ZFHX2: variants seen among roughly 807,000 people sequenced by gnomAD.
ZFHX2 encodes the protein zinc finger homeobox protein 2.
ZFHX2 carries 75 observed loss-of-function variants against 164.8 expected under a neutral mutation model. The ratio of observed to expected loss-of-function variants is 0.46; its 90% confidence interval spans 0.38 to 0.55. The LOEUF (loss-of-function observed/expected upper bound fraction) is 0.55. Ranked by LOEUF, ZFHX2 falls within the 20% of genes least tolerant of loss-of-function variation. The pLI, the probability that ZFHX2 is intolerant of heterozygous loss-of-function variation, is 0.00. For synonymous variants in ZFHX2, 1,217 were observed against 1,351.4 expected (o/e 0.90, Z 2.18); for missense variants, 2,933 against 3,308.0 (o/e 0.89, Z 2.78).
chr14:23,542,227 T>C (rs1880898931), intron 1 of ZFHX2: 1 of 152,556 alleles, frequency 6.6e-6, no homozygotes, highest in East Asian at 1.9e-4. Context: ...GCAAGGAGGC[T>C]GTCTCTTGCA....
chr14:23,535,287 G>A lies in ZFHX2; in HGVS notation c.39C>T (p.Thr13=). ...TLNSASTTGT[T]PSPGHNAPSL... The stretch of plus-strand genomic sequence containing the variant: ...ACGGGGCATTGTGCCCAGGGGAGGG[G>A]GTGGTACCAGTGGTAGAGGCTGAGT... The change falls in exon 2 of 10, where the codon ACC becomes ACT. Residue 13 remains threonine (T), a synonymous_variant. Transcript: ENST00000419474. This position sits in a 1 kb window ranked among gnomAD's most constrained non-coding sequence, Gnocchi z 4.5. 1 of 1,480,412 alleles carries A rather than the reference G, an allele frequency of 6.8e-7. No individual in the cohort carries two copies. The highest frequency in any genetic ancestry group is 9.0e-7 in the Non-Finnish European group (1 of 1,115,062). The allele number at this position is 1,480,412 out of a possible 1,614,324, so 91.7% of individuals were successfully genotyped here.
At position 23,532,724 on chromosome 14, in the gene ZFHX2, G is replaced by A. The variant is rs980635290; in HGVS notation, c.2402C>T (p.Thr801Ile). The A allele has an allele frequency of 7.2e-6, 11 of 1,535,556 alleles. 1 individual carries two copies. In the Middle Eastern group the frequency reaches 6.7e-4, roughly 93 times the overall value. The change falls in exon 3 of 10, where the codon ACC (threonine) becomes ATC (isoleucine). Residue 801 changes from threonine (T) to isoleucine (I), a missense_variant. By Grantham distance (89) the Thr-to-Ile change is moderately conservative. Coordinates refer to ENST00000419474, the MANE Select transcript of ZFHX2 (RefSeq NM_033400.3). ...ATCTCCCAGGGATGCTGGGGAAGGG[G>A]TGCCCATGGCTCCACCCCCCTCCCG... Reference protein sequence around the residue: ...HLREGGGAMGTPSPASLGDGA... With the variant: ...HLREGGGAMGIPSPASLGDGA...
chr14:23,522,005 G>C lies in ZFHX2; in HGVS notation c.7676C>G (p.Ser2559Cys). Residue 2559 changes from serine to cysteine, a missense_variant, in exon 10 of 10, where the codon TCC becomes TGC. By Grantham distance (112) the Ser-to-Cys change is moderately radical. Coordinates refer to ENST00000419474, the MANE Select transcript of ZFHX2 (RefSeq NM_033400.3). ...AGAGGTAGTCGTAGTTTTTGGGTTG[G>C]AGTCCGTGTGAGGTAATCTTGCTTC... is the stretch of plus-strand genomic sequence containing the variant. Reference protein sequence around the residue: ...KEEARLPHTDSNPKTTTTSTL... With the variant: ...KEEARLPHTDCNPKTTTTSTL... 10 of 1,536,378 alleles carry C rather than the reference G, an allele frequency of 6.5e-6. No homozygotes were observed. Among genetic ancestry groups the C allele is most frequent in the Non-Finnish European group, 8.7e-6 (10 of 1,146,910 alleles).
rs1360812252 is a variant in ZFHX2 at position 23,534,808 on chromosome 14, T to C, written c.518A>G (p.His173Arg). The change falls in exon 2 of 10, where the codon CAT (histidine) becomes CGT (arginine). Residue 173 changes from histidine to arginine, a missense_variant. Coordinates refer to ENST00000419474, the MANE Select transcript of ZFHX2 (RefSeq NM_033400.3). This position sits in a 1 kb window ranked among gnomAD's most constrained non-coding sequence, Gnocchi z 4.5. ...AAAGCCTTGGATTGGGTCAAAGCCA[T>C]GTTGGATGTGAAGGGCAGTGAGGTG... ...PSHLTALHIQ[H>R]GFDPIQGFSS... 4 of 1,535,914 alleles carry C rather than the reference T, an allele frequency of 2.6e-6. No homozygotes were observed. Among genetic ancestry groups the C allele is most frequent in the Non-Finnish European group, 2.6e-6 (3 of 1,146,866 alleles).
chr14:23,523,133 G>A lies in ZFHX2; in HGVS notation c.6739+70C>T. The A allele has an allele frequency of 7.1e-7, 1 of 1,401,330 alleles. No individual in the cohort carries two copies. Among genetic ancestry groups the A allele is most frequent in the Non-Finnish European group, 9.2e-7 (1 of 1,083,142 alleles). 86.8% of individuals were successfully genotyped at this position (1,401,330 alleles called of 1,614,324 possible). A position where few individuals can be genotyped will look rare whatever the true frequency, so the allele number is the denominator to read the frequency against. ...ATTGGGCATGGGAAGAATCAGGAAG[G>A]AAAAGGAAGGGCATGTCATTAGAGG... is the stretch of plus-strand genomic sequence containing the variant. On this transcript the variant is annotated intron_variant, in intron 9 of 9. Coordinates refer to ENST00000419474, the MANE Select transcript of ZFHX2 (RefSeq NM_033400.3). This position sits in a 1 kb window ranked among gnomAD's most constrained non-coding sequence, Gnocchi z 4.1.
rs1264549964 is a variant in ZFHX2, at chr14:23,524,058, C to T, written c.5884G>A (p.Glu1962Lys). The part of the protein sequence containing the change: ...DGTGREAPKR[E>K]APAFPYPTAT... ...GTGGGGTAGGGAAAAGCAGGTGCTTCCCTCTTTGGGGCTTCCCTCCCAGTG... is the reference window on the plus strand; with the variant it reads ...GTGGGGTAGGGAAAAGCAGGTGCTTTCCTCTTTGGGGCTTCCCTCCCAGTG... The change falls in exon 9 of 10, where the codon GAA becomes AAA. Residue 1962 changes from glutamate to lysine, a missense_variant. Transcript: ENST00000419474. This position sits in a 1 kb window ranked among gnomAD's most constrained non-coding sequence, Gnocchi z 5.6. 1 of 1,516,454 alleles carries T rather than the reference C, an allele frequency of 6.6e-7. No individual in the cohort carries two copies. The highest frequency in any genetic ancestry group is 2.0e-5 in the Admixed American group (1 of 49,006). The allele number at this position is 1,516,454 out of a possible 1,614,324, so 93.9% of individuals were successfully genotyped here. A position where few individuals can be genotyped will look rare whatever the true frequency, so the allele number is the denominator to read the frequency against.
Position 23,522,594 on chromosome 14 carries a change from C to A in ZFHX2, c.7087G>T (p.Gly2363Cys). 6.5e-7 allele frequency: 1 copy of A among 1,528,974 alleles called. No individual in the cohort carries two copies. The highest frequency in any genetic ancestry group is 8.8e-7 in the Non-Finnish European group (1 of 1,142,662). 94.7% of individuals were successfully genotyped at this position (1,528,974 alleles called of 1,614,324 possible). A position where few individuals can be genotyped will look rare whatever the true frequency, so the allele number is the denominator to read the frequency against. ...AAGTAGGCCCCCTGTAGCTGGGGGC[C>A]AAAGACAGCTGGCGGTGCTGTTCCC... ...AGGTAPPAVF[G>C]PQLQGAYFQQ... is the part of the protein sequence containing the mutation. Residue 2363 changes from glycine to cysteine, a missense_variant, in exon 10 of 10, where the codon GGC becomes TGC. Gly to Cys is a radical substitution (Grantham distance 159). Coordinates refer to ENST00000419474, the MANE Select transcript of ZFHX2 (RefSeq NM_033400.3).
chr14:23,521,721 G>C lies in ZFHX2; in HGVS notation c.*241C>G. The C allele has an allele frequency of 3.2e-6, 2 of 617,354 alleles. No individual in the cohort carries two copies. The highest frequency in any genetic ancestry group is 2.6e-6 in the Non-Finnish European group (1 of 382,250). 38.2% of individuals were successfully genotyped at this position (617,354 alleles called of 1,614,324 possible). ...TGTATGTGTCTGTGAAGATGGGCAA[G>C]GGCTACATCTGCAAGGAGCTGAGGA... On this transcript the variant is annotated 3_prime_UTR_variant, in exon 10 of 10. Coordinates refer to ENST00000419474, the MANE Select transcript of ZFHX2 (RefSeq NM_033400.3).
At chr14:23,541,841 C>A (rs1400491929) in intron 1 of ZFHX2, among the ~76,000 whole-genome samples, 1 of 152,158 alleles carries the variant, frequency 6.6e-6, no homozygotes, top group East Asian at 1.9e-4. Context: ...CTAAATCTTA[C>A]CTTCTATATT....
Position 23,523,286 on chromosome 14 carries a change from G to A in ZFHX2, c.6656C>T (p.Thr2219Ile). Residue 2219 changes from threonine (T) to isoleucine (I), a missense_variant, in exon 9 of 10, where the codon ACC becomes ATC. Transcript: ENST00000419474. The surrounding 1 kb of genome is among the most constrained non-coding windows in gnomAD (Gnocchi z 4.1). ...GAGGACCGGCGCCAGGCGAGGCAAG[G>A]TTGGGGCAGCCCCGAGGGGCATGGA... ...PASMPLGAAP[T>I]LPRLAPVLLS... 2 of 1,440,344 alleles carry A rather than the reference G, an allele frequency of 1.4e-6. No individual in the cohort carries two copies. The highest frequency in any genetic ancestry group is 1.8e-6 in the Non-Finnish European group (2 of 1,101,658). 89.2% of individuals were successfully genotyped at this position (1,440,344 alleles called of 1,614,324 possible). A position where few individuals can be genotyped will look rare whatever the true frequency, so the allele number is the denominator to read the frequency against.
At chr14:23,539,188 T>G (rs1880521012) in intron 1 of ZFHX2, among the ~76,000 whole-genome samples, 2 of 152,066 alleles carry the variant, frequency 1.3e-5, no homozygotes, top group East Asian at 3.9e-4. Context: ...GAGAAAGGTG[T>G]GGAGAAATAG....
intron 4 of ZFHX2, 137 bp from the exon 5 acceptor site, chr14:23,530,331 G>T: frequency 1.1e-5 from 8 of 741,434 alleles, no homozygotes; most frequent in South Asian, 1.5e-5. Context: ...AGGAGAGTAT[G>T]AAAAGCCAAC....
rs928720490 is a variant in ZFHX2 at position 23,535,488 on chromosome 14, C to A, written c.-49-114G>T. 1 of 810,090 alleles carries A rather than the reference C, an allele frequency of 1.2e-6. No homozygotes were observed. The highest frequency in any genetic ancestry group is 1.7e-5 in the African/African-American group (1 of 58,276). 50.2% of individuals were successfully genotyped at this position (810,090 alleles called of 1,614,324 possible). ...CTTCCCTGAACACCAGACTCAGACA[C>A]CACTTTGCTAACCTGAAATTTCACT... On this transcript the variant is annotated intron_variant, in intron 1 of 9. Transcript: ENST00000419474. The surrounding 1 kb of genome is among the most constrained non-coding windows in gnomAD (Gnocchi z 4.5).
At chr14:23,522,967 G>C in intron 9 of ZFHX2, 26 bp from the exon 10 acceptor site, 1 of 1,432,776 alleles carries the variant, frequency 7.0e-7, no homozygotes. Context: ...GAAGGATGAA[G>C]GATTAGCCAT....
chr14:23,537,328 C>T (rs1880285026), intron 1 of ZFHX2, among the ~76,000 whole-genome samples: 1 of 152,162 alleles, frequency 6.6e-6, no homozygotes, highest in Non-Finnish European at 1.5e-5. Context: ...GGCCCATCTA[C>T]GTCCTCTCTA....
At chr14:23,528,701 CCTT>C (rs1231067271) in intron 6 of ZFHX2, 19 of 985,272 alleles carry the variant, frequency 1.9e-5, no homozygotes, top group East Asian at 2.3e-4. Context: ...CTTTCTTTTT[CCTT>C]CTTCTTTTTC....
At position 23,526,253 on chromosome 14, in the gene ZFHX2, G is replaced by T; in HGVS notation, c.3689C>A (p.Ala1230Glu). The change falls in exon 9 of 10, where the codon GCA (alanine) becomes GAA (glutamate). Residue 1230 changes from alanine (A) to glutamate (E), a missense_variant. Physicochemically the swap from Ala to Glu is moderately radical, Grantham distance 107. Coordinates refer to ENST00000419474, the MANE Select transcript of ZFHX2 (RefSeq NM_033400.3). ...GGGTGGGGCACCGGCCTCTCCCCGTGCAGGGGCAGAGGGGTCAATGGCAGC... is the reference window on the plus strand; with the variant it reads ...GGGTGGGGCACCGGCCTCTCCCCGTTCAGGGGCAGAGGGGTCAATGGCAGC... ...KKAAIDPSAP[A>E]RGEAGAPPTT... 1 of 1,536,380 alleles carries T rather than the reference G, an allele frequency of 6.5e-7. No individual in the cohort carries two copies. The highest frequency in any genetic ancestry group is 8.7e-7 in the Non-Finnish European group (1 of 1,146,930).
Position 23,523,277 on chromosome 14 carries a change from C to A in ZFHX2, c.6665G>T (p.Arg2222Leu), listed in dbSNP as rs1353503433. ...MPLGAAPTLPRLAPVLLSGPA... is the reference protein window; with the variant it reads ...MPLGAAPTLPLLAPVLLSGPA... Reference sequence around the variant, plus strand: ...GCCAGATAAGAGGACCGGCGCCAGGCGAGGCAAGGTTGGGGCAGCCCCGAG... The same window carrying A: ...GCCAGATAAGAGGACCGGCGCCAGGAGAGGCAAGGTTGGGGCAGCCCCGAG... The change falls in exon 9 of 10, where the codon CGC becomes CTC. Residue 2222 changes from arginine (R) to leucine (L), a missense_variant. Physicochemically the swap from Arg to Leu is moderately radical, Grantham distance 102 (BLOSUM62 -2). Transcript: ENST00000419474. This position sits in a 1 kb window ranked among gnomAD's most constrained non-coding sequence, Gnocchi z 4.1. 11 of 1,437,132 alleles carry A rather than the reference C, an allele frequency of 7.7e-6. No homozygotes were observed. The South Asian group carries it at 1.3e-4, about 17-fold the overall frequency. 89.0% of individuals were successfully genotyped at this position (1,437,132 alleles called of 1,614,324 possible).
chr14:23,552,204 A>G (rs1431697644), upstream of ZFHX2, among the ~76,000 whole-genome samples: 3 of 150,346 alleles, frequency 2.0e-5, no homozygotes, highest in Non-Finnish European at 4.4e-5. Context: ...CCTCCTCCAC[A>G]CGGTTACATA....
Sources: gnomAD v4.1 joint callset for allele counts (sites outside exome capture counted in the v4.1 genomes callset) on GRCh38, gnomAD v4.1.1 for gene constraint, Gnocchi (gnomAD v3.1) non-coding constraint, MANE v1.5 for transcripts, NCBI Gene and HGNC (gene_info 2026-07-23, HGNC 2026-07-21) for gene names.